ELF1: variants seen among roughly 807,000 people sequenced by gnomAD.
ELF1 encodes E74 like ETS transcription factor 1.
ELF1 carries 24 observed loss-of-function variants against 59.9 expected under a neutral mutation model. The ratio of observed to expected loss-of-function variants is 0.40; its 90% CI spans 0.29 to 0.56. ELF1 has a LOEUF of 0.56. Ranked by LOEUF, ELF1 falls within the 20% of genes least tolerant of loss-of-function variation. The probability of loss-of-function intolerance (pLI) is 0.44; values close to 1 mark genes in which losing one functional copy is unlikely to be tolerated. For synonymous variants in ELF1, 248 were observed against 266.2 expected (o/e 0.93, Z 0.67); for missense variants, 627 against 742.2 (o/e 0.84, Z 1.80).
intron 1 of ELF1, among the ~76,000 whole-genome samples, chr13:41,018,067 C>T (rs1056004412): frequency 6.6e-6 from 1 of 152,166 alleles, no homozygotes; most frequent in African/African-American, 2.4e-5. Flanking sequence ...GGCCTTCAAG[C>T]ACTTAGTAAG....
At chr13:40,979,835 A>G (rs1265442777) in intron 2 of ELF1, among the ~76,000 whole-genome samples, 4 of 152,252 alleles carry the variant, frequency 2.6e-5, no homozygotes, top group Non-Finnish European at 5.9e-5. Flanking sequence ...GGGAAGGAAA[A>G]CAAGATTAGG....
intron 2 of ELF1, among the ~76,000 whole-genome samples, chr13:40,973,408 T>C (rs929198753): frequency 2.6e-5 from 4 of 152,180 alleles, no homozygotes; most frequent in Admixed American, 1.3e-4. Context: ...ACACAAACAA[T>C]TATTTTCATC....
At chr13:40,967,758 AT>A (rs368951830) in intron 2 of ELF1, among the ~76,000 whole-genome samples, 1,644 of 144,354 alleles carry the variant, frequency 0.011, 15 homozygotes, top group East Asian at 0.051. Flanking sequence ...TGTCTGGCTA[AT>A]TTTTTTTTTT....
At chr13:40,993,284 G>A (rs1873959787) in intron 1 of ELF1, 1 of 1,573,230 alleles carries the variant, frequency 6.4e-7, no homozygotes, top group South Asian at 1.1e-5. Flanking sequence ...CCAGGCGCTT[G>A]AGACACAGCA....
chr13:40,980,174 TAGTG>T (rs1037114540), intron 2 of ELF1, among the ~76,000 whole-genome samples: 3 of 152,178 alleles, frequency 2.0e-5, no homozygotes, highest in Non-Finnish European at 4.4e-5. Flanking sequence ...AAAACATCAT[TAGTG>T]AGAATCAAAC....
chr13:41,018,044 C>CT (rs1239337066), intron 1 of ELF1, among the ~76,000 whole-genome samples: 1 of 152,184 alleles, frequency 6.6e-6, no homozygotes, highest in Non-Finnish European at 1.5e-5. Flanking sequence ...TGTCTCTTCC[C>CT]TTTAATCTGA....
At chr13:40,993,140 C>G (rs1721185675) in intron 1 of ELF1, 1 of 1,547,552 alleles carries the variant, frequency 6.5e-7, no homozygotes, top group African/African-American at 1.4e-5. Flanking sequence ...CCTCTAGGAC[C>G]TGGATACTCT....
chr13:40,955,288 C>T, intron 3 of ELF1, among the ~76,000 whole-genome samples: 1 of 147,336 alleles, frequency 6.8e-6, no homozygotes, highest in African/African-American at 2.5e-5. Context: ...GGGGTCAGCC[C>T]CCCGCCCGGC....
intron 5 of ELF1, 137 bp downstream of exon 5, chr13:40,949,669 A>T: frequency 9.1e-7 from 1 of 1,098,730 alleles, no homozygotes; most frequent in Non-Finnish European, 1.3e-6. Context: ...AATAACTCAT[A>T]ATTTCCATTT....
At chr13:40,960,614 A>T (rs557652667) in intron 2 of ELF1, among the ~76,000 whole-genome samples, 1 of 152,298 alleles carries the variant, frequency 6.6e-6, no homozygotes, top group East Asian at 1.9e-4. Flanking sequence ...ATTTATGTTC[A>T]TACTATTGAG....
chr13:41,033,219 T>G (rs534430307), intron 1 of ELF1, among the ~76,000 whole-genome samples: 1 of 152,110 alleles, frequency 6.6e-6, no homozygotes, highest in Non-Finnish European at 1.5e-5. Context: ...GGGTTTGGAG[T>G]GGGTGACCCA....
intron 1 of ELF1, among the ~76,000 whole-genome samples, chr13:41,005,720 G>A (rs887475138): frequency 3.3e-5 from 5 of 152,072 alleles, no homozygotes; most frequent in Admixed American, 3.3e-4. Flanking sequence ...TTCTCCATAG[G>A]TGAATCCTGC....
At chr13:40,975,431 C>G (rs542438297) in intron 2 of ELF1, among the ~76,000 whole-genome samples, 1 of 151,974 alleles carries the variant, frequency 6.6e-6, no homozygotes, top group Non-Finnish European at 1.5e-5. Flanking sequence ...GAGGGAAAAA[C>G]AAAAGCATCC....
intron 1 of ELF1, among the ~76,000 whole-genome samples, chr13:41,004,536 C>G (rs933630284): frequency 3.3e-5 from 5 of 152,074 alleles, no homozygotes; most frequent in African/African-American, 1.2e-4. Flanking sequence ...ACTGTATTTT[C>G]TTAGATAAGT....
At chr13:41,023,266 A>C (rs1481770929), upstream of ELF1, among the ~76,000 whole-genome samples, 1 of 152,204 alleles carries the variant, frequency 6.6e-6, no homozygotes, top group Non-Finnish European at 1.5e-5. Flanking sequence ...CTTTGAACTC[A>C]AATCTCAAAA....
chr13:40,944,736 T>C (rs1021788014), intron 5 of ELF1, among the ~76,000 whole-genome samples: 1 of 152,208 alleles, frequency 6.6e-6, no homozygotes, highest in African/African-American at 2.4e-5. Flanking sequence ...ACTACCATTC[T>C]ATATGTGAGA....
chr13:40,937,142 CTTAG>C (rs1012420760), intron 8 of ELF1, among the ~76,000 whole-genome samples: 16 of 152,308 alleles, frequency 1.1e-4, no homozygotes, highest in African/African-American at 3.6e-4. Flanking sequence ...TTACTTTCTT[CTTAG>C]TTAATGATTA....
chr13:40,984,477 A>T (rs1300656300), intron 1 of ELF1, among the ~76,000 whole-genome samples: 1 of 152,156 alleles, frequency 6.6e-6, no homozygotes, highest in Non-Finnish European at 1.5e-5. Flanking sequence ...CTGAGGCAGG[A>T]GGATCACTTG....
At chr13:40,992,872 A>G (rs1457805848) in intron 1 of ELF1, 3 of 590,470 alleles carry the variant, frequency 5.1e-6, no homozygotes, top group Non-Finnish European at 9.0e-6. Flanking sequence ...TAGCTCGAGA[A>G]TCAAGACTGA....
Sources: gnomAD v4.1 joint callset for allele counts (sites outside exome capture counted in the v4.1 genomes callset) on GRCh38, gnomAD v4.1.1 for gene constraint, MANE v1.5 for transcripts, NCBI Gene and HGNC (gene_info 2026-07-23, HGNC 2026-07-21) for gene names.